Variants in GALP observed in about 807,000 individuals in gnomAD.
GALP encodes the protein galanin-like peptide.
In GALP, 12 loss-of-function variants were observed where a neutral mutation model predicts 15.2. That is an observed-to-expected ratio of 0.79 (90% CI 0.51 to 1.28). The LOEUF (loss-of-function observed/expected upper bound fraction) is 1.28, where lower values mean the gene tolerates loss of function less well. GALP is among the 50% of genes most tolerant of loss of function. The pLI is 0.00. For missense variants in GALP, 161 were observed against 145.6 expected (o/e 1.11, Z -0.55); for synonymous variants, 58 against 55.1 (o/e 1.05, Z -0.23).
At chr19:56,180,905 TTCTTTCTTTC>T (rs1331374254) in intron 3 of GALP, among the ~76,000 whole-genome samples, 2 of 90,032 alleles carry the variant, frequency 2.2e-5, no homozygotes, top group African/African-American at 9.5e-5. Flanking sequence ...CTTTCTTTCT[TTCTTTCTTTC>T]TTTTTTTTTT....
intron 3 of GALP, 35 bp from the exon 4 acceptor site, chr19:56,182,137 G>A (rs752761393): frequency 2.1e-5 from 32 of 1,491,306 alleles, no homozygotes; most frequent in South Asian, 2.0e-4. Flanking sequence ...CTACTTAACC[G>A]ACCACCTGCT....
At chr19:56,183,309 A>G (rs767098292) in intron 5 of GALP, 97 bp downstream of exon 5, 1 of 996,998 alleles carries the variant, frequency 1.0e-6, no homozygotes, top group Non-Finnish European at 1.6e-6. Flanking sequence ...AAGGAAGGAA[A>G]CTGGAACCAA....
chr19:56,180,907 CTTTCTTTCTTTTTTTT>C (rs2032554410), intron 3 of GALP, among the ~76,000 whole-genome samples: 1 of 83,692 alleles, frequency 1.2e-5, no homozygotes, highest in African/African-American at 5.2e-5. Flanking sequence ...TTCTTTCTTT[CTTTCTTTCTTTTTTTT>C]TTTTTTTTTT....
At chr19:56,177,237 A>G in intron 2 of GALP, 42 bp downstream of exon 2, 5 of 1,503,084 alleles carry the variant, frequency 3.3e-6, no homozygotes, top group East Asian at 2.3e-5. Context: ...AGTGTCCCCA[A>G]ATCCCTGCCC....
At chr19:56,182,498 C>T (rs1042777431) in intron 4 of GALP, among the ~76,000 whole-genome samples, 3 of 152,180 alleles carry the variant, frequency 2.0e-5, no homozygotes, top group African/African-American at 4.8e-5. Context: ...CCCGTGTTTT[C>T]TCTGCATCAG....
At chr19:56,178,165 CAAAA>C (rs71184328) in intron 2 of GALP, among the ~76,000 whole-genome samples, 18 of 135,742 alleles carry the variant, frequency 1.3e-4, no homozygotes, top group African/African-American at 2.9e-4. Flanking sequence ...TTTTTTCTAA[CAAAA>C]AAAAAAAAAA....
chr19:56,185,541 T>A lies in GALP; in HGVS notation c.*271T>A. ...AGATTCTGGGGTAATCAGGGAATAT[T>A]CCTGCAACACATTTAAAGGAATTGT... On this transcript the variant is annotated 3_prime_UTR_variant, in exon 6 of 6. Transcript: ENST00000357330. 1 of 313,780 alleles carries A rather than the reference T, an allele frequency of 3.2e-6. No homozygotes were observed. The highest frequency in any genetic ancestry group is 5.8e-5 in the East Asian group (1 of 17,204). The allele number at this position is 313,780 out of a possible 1,614,324, so 19.4% of individuals were successfully genotyped here.
chr19:56,182,091 T>G (rs941239703), intron 3 of GALP, 81 bp from the exon 4 acceptor site: 1 of 979,956 alleles, frequency 1.0e-6, no homozygotes, highest in Admixed American at 1.7e-5. Flanking sequence ...CGGTGAGCCA[T>G]GCTGTTGAAT....
chr19:56,183,243 C>G (rs749717587), intron 5 of GALP, 31 bp downstream of exon 5: 13 of 1,536,684 alleles, frequency 8.5e-6, no homozygotes, highest in Admixed American at 1.7e-5. Context: ...AGAGAGACAC[C>G]GACAGGAGAG....
chr19:56,183,289 T>C, intron 5 of GALP, 77 bp downstream of exon 5: 1 of 1,245,320 alleles, frequency 8.0e-7, no homozygotes, highest in Non-Finnish European at 1.2e-6. Flanking sequence ...GCTTAGAGGG[T>C]AAAGGAAGAA....
At position 56,182,034 on chromosome 19, in the gene GALP, C is replaced by A; in HGVS notation, c.137-138C>A. On this transcript the variant is annotated intron_variant, in intron 3 of 5. Coordinates refer to ENST00000357330, the MANE Select transcript of GALP (RefSeq NM_033106.4). The stretch of plus-strand genomic sequence containing the variant: ...CGATTTCCCCACCGGTAGGTAGGGA[C>A]GGTCAACACGCACCCCGTCCGACAG... The A allele has an allele frequency of 6.0e-6, 4 of 667,838 alleles. No homozygotes were observed. The South Asian group carries it at 7.0e-5, about 12-fold the overall frequency. The allele number at this position is 667,838 out of a possible 1,614,324, so 41.4% of individuals were successfully genotyped here.
At position 56,180,911 on chromosome 19, in the gene GALP, C is replaced by CT. The variant is rs751903988; in HGVS notation, c.136+280dup. Among the ~76,000 whole-genome samples, 214 of 90,658 alleles carry CT rather than the reference C, an allele frequency of 2.4e-3. 13 individuals are homozygous for CT. The highest frequency in any genetic ancestry group is 2.6e-3 in the Non-Finnish European group (129 of 49,138). The allele number at this position is 90,658 out of a possible 152,430, so 59.5% of individuals were successfully genotyped here. A position where few individuals can be genotyped will look rare whatever the true frequency, so the allele number is the denominator to read the frequency against. On this transcript the variant is annotated intron_variant, in intron 3 of 5. Transcript: ENST00000357330. ...TCACTCTTTCTTTCTTTCTTTCTTT[C>CT]TTTCTTTTTTTTTTTTTTTTTTTTT... is the stretch of plus-strand genomic sequence containing the variant.
chr19:56,184,723 T>A (rs2032626681), intron 5 of GALP, among the ~76,000 whole-genome samples: 1 of 151,872 alleles, frequency 6.6e-6, no homozygotes, highest in African/African-American at 2.4e-5. Flanking sequence ...GACCTCGTGA[T>A]CTGCCTGCCT....
chr19:56,178,309 A>G (rs2032500449), intron 2 of GALP, among the ~76,000 whole-genome samples: 1 of 151,758 alleles, frequency 6.6e-6, no homozygotes, highest in South Asian at 2.1e-4. Flanking sequence ...CTTAAAAAAA[A>G]AAAATTAACT....
At chr19:56,181,395 CTTT>C (rs10656072) in intron 3 of GALP, among the ~76,000 whole-genome samples, 5 of 81,310 alleles carry the variant, frequency 6.1e-5, no homozygotes, top group African/African-American at 2.3e-4. Flanking sequence ...TCTCTCTCTC[CTTT>C]TTTTTTTTTT....
chr19:56,183,672 A>G (rs1247342973), intron 5 of GALP, among the ~76,000 whole-genome samples: 1 of 152,132 alleles, frequency 6.6e-6, no homozygotes, highest in African/African-American at 2.4e-5. Context: ...ATCTTGGCTG[A>G]CTGCAACCTC....
chr19:56,179,675 G>A lies in GALP; in HGVS notation c.88-911G>A, dbSNP rs1405862314. 3.4e-5 allele frequency among the ~76,000 whole-genome samples: 5 copies of A among 146,988 alleles called. No homozygotes were observed. The Admixed American group carries it at 3.5e-4, about 10-fold the overall frequency. ...TTTTTTTTCTTTGAGACAGAGTCTC[G>A]CTCTGTCACCCAGGCTGGAGTGCAG... On this transcript the variant is annotated intron_variant, in intron 2 of 5. Coordinates refer to ENST00000357330, the MANE Select transcript of GALP (RefSeq NM_033106.4).
chr19:56,180,825 C>T (rs1175301224), intron 3 of GALP, among the ~76,000 whole-genome samples, 191 bp downstream of exon 3: 3 of 151,634 alleles, frequency 2.0e-5, no homozygotes, highest in African/African-American at 7.3e-5. Context: ...AGCCTTGGGC[C>T]CAAATCCCAG....
At position 56,185,613 on chromosome 19, in the gene GALP, C is replaced by T. The variant is rs1160511501; in HGVS notation, c.*343C>T. ...TTATAACACGAGCTATTGCATAATA[C>T]AAATAACCCTCTTAAGTCTGAGAGT... is the stretch of plus-strand genomic sequence containing the variant. On this transcript the variant is annotated 3_prime_UTR_variant, in exon 6 of 6. Transcript: ENST00000357330. 5.3e-6 allele frequency: 1 copy of T among 190,064 alleles called. No homozygotes were observed. The highest frequency in any genetic ancestry group is 6.1e-5 in the Admixed American group (1 of 16,306). The allele number at this position is 190,064 out of a possible 1,614,324, so 11.8% of individuals were successfully genotyped here.
Sources: gnomAD v4.1 joint callset for allele counts (sites outside exome capture counted in the v4.1 genomes callset) on GRCh38, gnomAD v4.1.1 for gene constraint, MANE v1.5 for transcripts, NCBI Gene and HGNC (gene_info 2026-07-23, HGNC 2026-07-21) for gene names.